TENM3: variants seen among roughly 807,000 people sequenced by gnomAD.
TENM3 encodes teneurin transmembrane protein 3.
TENM3 carries 63 observed loss-of-function variants against 255.1 expected under a neutral mutation model. The observed-to-expected ratio is 0.25, with a 90% CI of 0.20 to 0.30. The LOEUF is 0.30. Ranked by LOEUF, TENM3 falls within the 10% of genes least tolerant of loss-of-function variation. TENM3 has a pLI of 1.00. For synonymous variants in TENM3, 1,306 were observed against 1,322.3 expected (o/e 0.99, Z 0.27); for missense variants, 2,929 against 3,461.1 (o/e 0.85, Z 3.86).
chr4:182,117,044 T>C, the TENM3 span, among the ~76,000 whole-genome samples: 1 of 152,212 alleles, frequency 6.6e-6, no homozygotes, highest in South Asian at 2.1e-4. Flanking sequence ...TTATATATAA[T>C]GTTGAATATC....
Position 182,658,982 on chromosome 4 carries a change from T to G in TENM3, c.1111+5089T>G, listed in dbSNP as rs189855200. On this transcript the variant is annotated intron_variant, in intron 6 of 27. Coordinates refer to ENST00000511685, the MANE Select transcript of TENM3 (RefSeq NM_001080477.4). ...AGAGCCTGACAGAAACTACCAGCTT[T>G]GTATAACCTAGCAGTCGCCATTCTA... Among the ~76,000 whole-genome samples the G allele has an allele frequency of 3.0e-4, 45 of 152,302 alleles. No individual in the cohort carries two copies. In the East Asian group the frequency reaches 8.3e-3, roughly 28 times the overall value.
intron 4 of TENM3, among the ~76,000 whole-genome samples, chr4:182,612,863 T>C (rs542346189): frequency 6.6e-6 from 1 of 152,342 alleles, no homozygotes; most frequent in Admixed American, 6.5e-5. Context: ...TTTCACTCTT[T>C]GAACTGATTG....
the TENM3 span, among the ~76,000 whole-genome samples, chr4:181,831,857 C>A: frequency 6.6e-6 from 1 of 151,862 alleles, no homozygotes; most frequent in African/African-American, 2.4e-5. Context: ...TTACTAGGAG[C>A]AATACACTAA....
the TENM3 span, among the ~76,000 whole-genome samples, chr4:181,452,501 T>C: frequency 1.2e-4 from 18 of 152,072 alleles, no homozygotes; most frequent in African/African-American, 4.3e-4. Context: ...AAGGAGCTCT[T>C]CTCCCTTTTG....
At chr4:181,805,747 G>A in the TENM3 span, among the ~76,000 whole-genome samples, 1 of 151,990 alleles carries the variant, frequency 6.6e-6, no homozygotes, top group Non-Finnish European at 1.5e-5. Flanking sequence ...ATGGAATATG[G>A]GGGCTTAATT....
intron 1 of TENM3, among the ~76,000 whole-genome samples, chr4:182,299,016 A>AAAAAAAAAAAAAAAAAAAAAAAAAAT (rs1554045594): frequency 9.8e-6 from 1 of 102,304 alleles, no homozygotes; most frequent in Non-Finnish European, 1.9e-5. Context: ...AAAAAAAAAA[A>AAAAAAAAAAAAAAAAAAAAAAAAAAT]GAGGTAATGG....
chr4:182,737,726 A>G (rs1024688317), intron 17 of TENM3, among the ~76,000 whole-genome samples: 2 of 152,208 alleles, frequency 1.3e-5, no homozygotes, highest in African/African-American at 2.4e-5. Context: ...TTTAATTAGT[A>G]TTTACCTTAA....
the TENM3 span, among the ~76,000 whole-genome samples, chr4:181,612,660 T>C: frequency 6.6e-6 from 1 of 152,148 alleles, no homozygotes; most frequent in South Asian, 2.1e-4. Context: ...TTTCCTTTTC[T>C]TTTTTTCTTT....
At chr4:182,380,597 G>C (rs977743389) in intron 3 of TENM3, among the ~76,000 whole-genome samples, 14 of 152,206 alleles carry the variant, frequency 9.2e-5, no homozygotes, top group Non-Finnish European at 1.9e-4. Context: ...ATGTGCTACT[G>C]ATGATATTGA....
At chr4:182,524,351 GCTTTT>G (rs1560871216) in intron 3 of TENM3, among the ~76,000 whole-genome samples, 3 of 119,572 alleles carry the variant, frequency 2.5e-5, no homozygotes, top group African/African-American at 9.5e-5. Context: ...ACACTGATGA[GCTTTT>G]TTTTTTTTTT....
At chr4:182,353,758 G>T (rs1464599254) in intron 3 of TENM3, among the ~76,000 whole-genome samples, 2 of 152,262 alleles carry the variant, frequency 1.3e-5, no homozygotes, top group Middle Eastern at 3.4e-3. Flanking sequence ...ACAATGTCAG[G>T]AGTTTGAGAC....
At chr4:182,423,551 A>C (rs988404778) in intron 3 of TENM3, among the ~76,000 whole-genome samples, 2 of 152,182 alleles carry the variant, frequency 1.3e-5, no homozygotes, top group African/African-American at 2.4e-5. Context: ...GTCAACAAAG[A>C]AACTAAAAGT....
At chr4:182,237,520 G>C (rs1343425436) in intron 1 of TENM3, among the ~76,000 whole-genome samples, 1 of 152,032 alleles carries the variant, frequency 6.6e-6, no homozygotes, top group African/African-American at 2.4e-5. Flanking sequence ...CACCCATCAT[G>C]CCTGGCTACG....
At chr4:182,440,657 A>G (rs1390513157) in intron 3 of TENM3, among the ~76,000 whole-genome samples, 2 of 152,210 alleles carry the variant, frequency 1.3e-5, no homozygotes, top group Admixed American at 6.5e-5. Flanking sequence ...AGGAAATGGT[A>G]GTAATAATGA....
chr4:181,790,952 T>C, the TENM3 span, among the ~76,000 whole-genome samples: 1 of 152,160 alleles, frequency 6.6e-6, no homozygotes, highest in Non-Finnish European at 1.5e-5. Flanking sequence ...CTGGCCCCCA[T>C]ACTCCAGCAA....
At position 182,724,282 on chromosome 4, in the gene TENM3, C is replaced by T. The variant is rs114413231; in HGVS notation, c.2369-4683C>T. Among the ~76,000 whole-genome samples, 1,072 of 152,274 alleles carry T rather than the reference C, an allele frequency of 7.0e-3. 14 individuals carry two copies. Among genetic ancestry groups the T allele is most frequent in the African/African-American group, 0.024 (993 of 41,566 alleles). On this transcript the variant is annotated intron_variant, in intron 13 of 27. Coordinates refer to ENST00000511685, the MANE Select transcript of TENM3 (RefSeq NM_001080477.4). Reference sequence around the variant, plus strand: ...CGATGATTTTTGAGAAGCTATTCCACAAAGACAATTTTACTACACTATACA... The same window carrying T: ...CGATGATTTTTGAGAAGCTATTCCATAAAGACAATTTTACTACACTATACA...
At chr4:182,721,257 C>T (rs1005885344) in intron 13 of TENM3, among the ~76,000 whole-genome samples, 1 of 152,192 alleles carries the variant, frequency 6.6e-6, no homozygotes, top group African/African-American at 2.4e-5. Flanking sequence ...ACTACACTCT[C>T]ATTGTCAGAA....
the TENM3 span, among the ~76,000 whole-genome samples, chr4:181,748,552 G>A: frequency 4.6e-5 from 7 of 152,020 alleles, no homozygotes; most frequent in Non-Finnish European, 1.0e-4. Flanking sequence ...TTTTGTCCAT[G>A]TTTTTGCTAG....
At chr4:182,504,706 T>G (rs1239284621) in intron 3 of TENM3, among the ~76,000 whole-genome samples, 3 of 152,214 alleles carry the variant, frequency 2.0e-5, no homozygotes, top group Admixed American at 2.0e-4. Flanking sequence ...AAGACCTGTT[T>G]GCTATTTTTG....
Sources: gnomAD v4.1 joint callset for allele counts (sites outside exome capture counted in the v4.1 genomes callset) on GRCh38, gnomAD v4.1.1 for gene constraint, MANE v1.5 for transcripts, NCBI Gene and HGNC (gene_info 2026-07-23, HGNC 2026-07-21) for gene names.